CTNND2: variants seen among roughly 807,000 people sequenced by gnomAD.
CTNND2 encodes the protein catenin delta-2.
In CTNND2, 22 loss-of-function variants were observed where a neutral mutation model predicts 144.4. That is an observed-to-expected ratio of 0.15 (90% CI 0.11 to 0.22). The LOEUF (loss-of-function observed/expected upper bound fraction) is 0.22, where lower values mean the gene tolerates loss of function less well. CTNND2 is among the 10% of genes least tolerant of loss of function. The pLI is 1.00. For missense variants in CTNND2, 1,353 were observed against 1,618.8 expected (o/e 0.84, Z 2.82); for synonymous variants, 751 against 695.6 (o/e 1.08, Z -1.25).
At chr5:11,290,675 ATC>A (rs1157985213) in intron 9 of CTNND2, among the ~76,000 whole-genome samples, 1 of 152,172 alleles carries the variant, frequency 6.6e-6, no homozygotes, top group African/African-American at 2.4e-5. Flanking sequence ...CATAGAGAAC[ATC>A]TGTTTTACCC....
intron 12 of CTNND2, among the ~76,000 whole-genome samples, chr5:11,154,708 C>G (rs1458359850): frequency 6.6e-6 from 1 of 152,196 alleles, no homozygotes; most frequent in Non-Finnish European, 1.5e-5. Context: ...ACAACCGAAA[C>G]TTATTATCTC....
chr5:11,316,151 A>T (rs1011011827), intron 9 of CTNND2, among the ~76,000 whole-genome samples: 1 of 152,246 alleles, frequency 6.6e-6, no homozygotes, highest in Non-Finnish European at 1.5e-5. Context: ...GCTTATAATT[A>T]GGGTAAATCA....
chr5:11,763,987 T>C (rs1302534829), intron 1 of CTNND2, among the ~76,000 whole-genome samples: 1 of 151,962 alleles, frequency 6.6e-6, no homozygotes, highest in African/African-American at 2.4e-5. Flanking sequence ...CAATGAAAAT[T>C]AGGGCACATG....
chr5:11,291,168 T>C (rs1286624295), intron 9 of CTNND2, among the ~76,000 whole-genome samples: 1 of 152,162 alleles, frequency 6.6e-6, no homozygotes, highest in Non-Finnish European at 1.5e-5. Context: ...CGTCCACCCA[T>C]TGGTGCTGTC....
intron 10 of CTNND2, among the ~76,000 whole-genome samples, chr5:11,228,022 T>G (rs1303490865): frequency 6.6e-6 from 1 of 152,114 alleles, no homozygotes; most frequent in Non-Finnish European, 1.5e-5. Context: ...GCTTCATCTC[T>G]TCATCATGCC....
intron 2 of CTNND2, among the ~76,000 whole-genome samples, chr5:11,594,264 CA>C (rs1191396423): frequency 6.6e-6 from 1 of 152,182 alleles, no homozygotes; most frequent in Non-Finnish European, 1.5e-5. Context: ...GTCTCACACA[CA>C]TAACAGTGAG....
chr5:11,111,053 A>G lies in CTNND2; in HGVS notation c.2278-10T>C. 1 of 1,608,028 alleles carries G rather than the reference A, an allele frequency of 6.2e-7. No homozygotes were observed. Among genetic ancestry groups the G allele is most frequent in the South Asian group, 1.1e-5 (1 of 90,818 alleles). On this transcript the variant is annotated splice_polypyrimidine_tract_variant and intron_variant, in intron 13 of 21. Coordinates refer to ENST00000304623, the MANE Select transcript of CTNND2 (RefSeq NM_001332.4). ...CACAGTTTTCAACGGTCTGCAGAAA[A>G]GGGGGAAACAGAGGAAAGAATGAGT... is the stretch of plus-strand genomic sequence containing the variant.
chr5:11,639,223 C>G (rs1781866933), intron 2 of CTNND2, among the ~76,000 whole-genome samples: 1 of 152,026 alleles, frequency 6.6e-6, no homozygotes, highest in African/African-American at 2.4e-5. Flanking sequence ...CCAAGCACAA[C>G]AAGGAATTCG....
intron 9 of CTNND2, among the ~76,000 whole-genome samples, chr5:11,310,202 A>T (rs1396181649): frequency 1.3e-5 from 2 of 152,118 alleles, no homozygotes; most frequent in Non-Finnish European, 2.9e-5. Flanking sequence ...AGAAATAAAT[A>T]AAAACAGCCT....
chr5:11,132,836 C>T (rs889621717), intron 12 of CTNND2, among the ~76,000 whole-genome samples: 1 of 152,146 alleles, frequency 6.6e-6, no homozygotes, highest in Admixed American at 6.5e-5. Flanking sequence ...GAAAATAAAA[C>T]CCACCCTTCC....
At chr5:11,755,696 G>A (rs1432660865) in intron 1 of CTNND2, among the ~76,000 whole-genome samples, 1 of 144,048 alleles carries the variant, frequency 6.9e-6, no homozygotes, top group African/African-American at 2.5e-5. Context: ...TGAGCTCTGA[G>A]ATTCTTTCCT....
At chr5:11,263,136 C>T (rs1037085749) in intron 9 of CTNND2, among the ~76,000 whole-genome samples, 1 of 152,182 alleles carries the variant, frequency 6.6e-6, no homozygotes, top group Non-Finnish European at 1.5e-5. Flanking sequence ...GCTGGCCCAC[C>T]TCCATTCAAA....
chr5:11,764,274 C>T (rs961014341), intron 1 of CTNND2, among the ~76,000 whole-genome samples: 17 of 152,086 alleles, frequency 1.1e-4, no homozygotes, highest in Middle Eastern at 3.2e-3. Context: ...GCAGACCTAC[C>T]AACACCTTGA....
intron 1 of CTNND2, among the ~76,000 whole-genome samples, chr5:11,809,757 T>G (rs1454097925): frequency 2.6e-5 from 4 of 152,154 alleles, no homozygotes; most frequent in Admixed American, 2.6e-4. Flanking sequence ...AAAAAACAAC[T>G]GTAAACACTG....
intron 2 of CTNND2, among the ~76,000 whole-genome samples, chr5:11,704,998 CTT>C (rs1785627345): frequency 6.6e-6 from 1 of 151,796 alleles, no homozygotes; most frequent in Non-Finnish European, 1.5e-5. Context: ...ATGAGAGACT[CTT>C]GAGCATCTCA....
intron 2 of CTNND2, among the ~76,000 whole-genome samples, chr5:11,637,378 T>C (rs1437471578): frequency 2.0e-5 from 3 of 152,222 alleles, no homozygotes; most frequent in African/African-American, 7.2e-5. Context: ...AGTTGAGAAG[T>C]TGGCATCTAC....
intron 3 of CTNND2, among the ~76,000 whole-genome samples, chr5:11,553,561 A>G (rs1775959925): frequency 6.6e-6 from 1 of 152,224 alleles, no homozygotes; most frequent in South Asian, 2.1e-4. Context: ...TTTATAGATG[A>G]AAGAAATAAA....
At chr5:11,602,152 TTTA>T (rs969763537) in intron 2 of CTNND2, among the ~76,000 whole-genome samples, 7 of 152,040 alleles carry the variant, frequency 4.6e-5, no homozygotes, top group South Asian at 2.1e-4. Context: ...AAAAATATAT[TTTA>T]TTATTATAAA....
intron 1 of CTNND2, among the ~76,000 whole-genome samples, chr5:11,822,305 A>G (rs1793357396): frequency 6.6e-6 from 1 of 152,190 alleles, no homozygotes; most frequent in African/African-American, 2.4e-5. Context: ...GGCATAAATT[A>G]TGGCACAATA....
Sources: allele counts gnomAD v4.1 joint callset (sites outside exome capture counted in the v4.1 genomes callset), GRCh38; gene constraint gnomAD v4.1.1; transcripts MANE v1.5; gene names NCBI Gene and HGNC (gene_info 2026-07-23, HGNC 2026-07-21).